TBK1: variants seen among roughly 807,000 people sequenced by gnomAD.
TBK1 encodes serine/threonine-protein kinase TBK1.
Under a neutral mutation model 99.9 loss-of-function variants are expected in TBK1, and 37 were observed. The observed-to-expected ratio is 0.37, with a 90% CI of 0.28 to 0.49. The LOEUF (loss-of-function observed/expected upper bound fraction) is 0.49. Ranked by LOEUF, TBK1 falls within the 20% of genes least tolerant of loss-of-function variation. TBK1 has a pLI of 0.98. For synonymous variants in TBK1, 258 were observed against 279.8 expected (o/e 0.92, Z 0.78); for missense variants, 644 against 872.5 (o/e 0.74, Z 3.30).
rs373047509 is a variant in TBK1 at position 64,466,777 on chromosome 12, T to TA, written c.359-123dup. 1,613 of 511,498 alleles carry TA rather than the reference T, an allele frequency of 3.2e-3. 4 individuals are homozygous for TA. Among genetic ancestry groups the TA allele is most frequent in the Non-Finnish European group, 4.1e-3 (1,360 of 329,738 alleles). The allele number at this position is 511,498 out of a possible 1,614,324, so 31.7% of individuals were successfully genotyped here. ...TTATTATCTATTCTTTGAGTAAAAT[T>TA]ACTTTGAACCAAATTATGGAAAAAT... On this transcript the variant is annotated intron_variant, in intron 4 of 20. Transcript: ENST00000331710.
At position 64,465,327 on chromosome 12, in the gene TBK1, G is replaced by A. The variant is rs187734227; in HGVS notation, c.358+864G>A. On this transcript the variant is annotated intron_variant, in intron 4 of 20. Transcript: ENST00000331710. ...TACATTGCTGGTAGGATTATAAAAT[G>A]ATACAGCCATTCTAGAAAACAGTCT... Among the ~76,000 whole-genome samples, 684 of 145,508 alleles carry A rather than the reference G, an allele frequency of 4.7e-3. 1 individual carries two copies. Among genetic ancestry groups the A allele is most frequent in the Non-Finnish European group, 7.6e-3 (504 of 66,694 alleles).
rs150489787 is a variant in TBK1 at position 64,466,738 on chromosome 12, T to TTA, written c.359-151_359-150dup. 0.15 allele frequency among the ~76,000 whole-genome samples: 22,061 copies of TTA among 151,158 alleles called. 1,916 individuals are homozygous for TTA. The highest frequency in any genetic ancestry group is 0.23 in the African/African-American group (9,577 of 41,288). On this transcript the variant is annotated intron_variant, in intron 4 of 20. Coordinates refer to ENST00000331710, the MANE Select transcript of TBK1 (RefSeq NM_013254.4). The stretch of plus-strand genomic sequence containing the variant: ...TCTTATAACTAAAACATAACATCTT[T>TTA]TATATATATATATTTATTATCTATT...
At chr12:64,494,999 C>T (rs1462357515) in intron 13 of TBK1, among the ~76,000 whole-genome samples, 1 of 152,184 alleles carries the variant, frequency 6.6e-6, no homozygotes, top group Non-Finnish European at 1.5e-5. Flanking sequence ...ACTTACTAAG[C>T]TTAAAATGAA....
chr12:64,464,373 C>A lies in TBK1; in HGVS notation c.268C>A (p.Pro90Thr). 6.2e-7 allele frequency: 1 copy of A among 1,601,380 alleles called. No homozygotes were observed. Among genetic ancestry groups the A allele is most frequent in the Non-Finnish European group, 8.5e-7 (1 of 1,174,742 alleles). ...RHKVLIMEFCPCGSLYTVLEE... is the reference protein window; with the variant it reads ...RHKVLIMEFCTCGSLYTVLEE... ...TAAAGTACTTATTATGGAATTTTGT[C>A]CATGTGGGAGTTTATACACTGTTTT... is the stretch of plus-strand genomic sequence containing the variant. Residue 90 changes from proline to threonine, a missense_variant, in exon 4 of 21, where the codon CCA becomes ACA. This residue lies in a region of TBK1 where 148 missense variants were observed against 202.1 expected (regional missense o/e 0.73). Transcript: ENST00000331710.
chr12:64,487,200 A>C (rs543491707), intron 11 of TBK1, among the ~76,000 whole-genome samples: 1 of 152,306 alleles, frequency 6.6e-6, no homozygotes, highest in South Asian at 2.1e-4. Context: ...TCTTTTGGAA[A>C]TTATGCTTGT....
At chr12:64,492,663 T>C (rs990230179) in intron 13 of TBK1, among the ~76,000 whole-genome samples, 1 of 152,038 alleles carries the variant, frequency 6.6e-6, no homozygotes, top group Non-Finnish European at 1.5e-5. Context: ...GGTAATGGAG[T>C]CTTATGACAT....
intron 15 of TBK1, chr12:64,496,030 A>G: frequency 2.5e-6 from 1 of 403,610 alleles, no homozygotes; most frequent in Non-Finnish European, 4.4e-6. Flanking sequence ...ACAGAAAGGA[A>G]TGAGATTGGC....
chr12:64,491,370 C>T (rs1407114974), intron 13 of TBK1, among the ~76,000 whole-genome samples: 1 of 152,150 alleles, frequency 6.6e-6, no homozygotes, highest in African/African-American at 2.4e-5. Flanking sequence ...CCTCTAATCC[C>T]AGCACTTTGG....
Position 64,485,861 on chromosome 12 carries a change from G to C in TBK1, c.1249-65G>C, listed in dbSNP as rs2040815556. ...AATGTGTAAGCTTGAATAATTTTGTGTAAAAGTTTTTCTTACCCTATACCA... is the reference window on the plus strand; with the variant it reads ...AATGTGTAAGCTTGAATAATTTTGTCTAAAAGTTTTTCTTACCCTATACCA... On this transcript the variant is annotated intron_variant, in intron 10 of 20. Transcript: ENST00000331710. The C allele has an allele frequency of 3.4e-6, 4 of 1,180,924 alleles. No individual in the cohort carries two copies. In the South Asian group the frequency reaches 5.4e-5, roughly 16 times the overall value. The allele number at this position is 1,180,924 out of a possible 1,614,324, so 73.2% of individuals were successfully genotyped here.
At chr12:64,493,451 A>C (rs1023376230) in intron 13 of TBK1, among the ~76,000 whole-genome samples, 6 of 151,558 alleles carry the variant, frequency 4.0e-5, no homozygotes, top group African/African-American at 1.5e-4. Flanking sequence ...ATATGGTGAA[A>C]CCGTGTCTCT....
At chr12:64,479,534 G>T (rs181608576) in intron 6 of TBK1, among the ~76,000 whole-genome samples, 112 of 152,304 alleles carry the variant, frequency 7.4e-4, no homozygotes, top group Non-Finnish European at 1.3e-3. Context: ...GTGTTTTCCA[G>T]TGTGCAAAGA....
chr12:64,483,190 G>A (rs949830986), intron 8 of TBK1, among the ~76,000 whole-genome samples: 1 of 152,106 alleles, frequency 6.6e-6, no homozygotes, highest in South Asian at 2.1e-4. Flanking sequence ...ATGCTTGACT[G>A]GATGGATACC....
intron 18 of TBK1, 114 bp downstream of exon 18, chr12:64,497,373 T>C (rs1324359167): frequency 1.3e-6 from 1 of 766,380 alleles, no homozygotes; most frequent in Non-Finnish European, 2.0e-6. Flanking sequence ...CCACCAATTT[T>C]TAATATGTAT....
At chr12:64,460,093 T>G (rs970028546) in intron 2 of TBK1, 96 bp from the exon 3 acceptor site, 7 of 797,918 alleles carry the variant, frequency 8.8e-6, no homozygotes, top group Non-Finnish European at 1.2e-5. Context: ...TGATGTTCTG[T>G]AAGAAAATAA....
At chr12:64,457,677 A>G (rs2040503966) in intron 2 of TBK1, among the ~76,000 whole-genome samples, 2 of 152,188 alleles carry the variant, frequency 1.3e-5, no homozygotes, top group Admixed American at 1.3e-4. Context: ...AGTGATAGAG[A>G]CTGGATGAGA....
At chr12:64,478,752 CTCT>C (rs1454491518) in intron 6 of TBK1, among the ~76,000 whole-genome samples, 1 of 152,128 alleles carries the variant, frequency 6.6e-6, no homozygotes, top group Non-Finnish European at 1.5e-5. Flanking sequence ...TTAATGAAAT[CTCT>C]TCATTAATAA....
chr12:64,495,679 A>C lies in TBK1; in HGVS notation c.1644-20A>C. On this transcript the variant is annotated intron_variant, in intron 14 of 20. Coordinates refer to ENST00000331710, the MANE Select transcript of TBK1 (RefSeq NM_013254.4). ...CACATTGACTCAGTTAATTTATTTGAGTTTTTCTTCCTTAAATAGTGTAGA... is the reference window on the plus strand; with the variant it reads ...CACATTGACTCAGTTAATTTATTTGCGTTTTTCTTCCTTAAATAGTGTAGA... 6.2e-7 allele frequency: 1 copy of C among 1,612,370 alleles called. No homozygotes were observed. The highest frequency in any genetic ancestry group is 1.3e-5 in the African/African-American group (1 of 74,918).
At chr12:64,490,899 G>C (rs1220185204) in intron 13 of TBK1, among the ~76,000 whole-genome samples, 4 of 118,358 alleles carry the variant, frequency 3.4e-5, no homozygotes, top group Non-Finnish European at 8.6e-5. Flanking sequence ...TCCATCCTGG[G>C]TGACAAGAGT....
chr12:64,460,439 C>T, intron 3 of TBK1, 110 bp downstream of exon 3: 4 of 724,518 alleles, frequency 5.5e-6, no homozygotes, highest in Non-Finnish European at 6.4e-6. Context: ...AGGGTTTGTA[C>T]AACCAAATAC....
Sources: gnomAD v4.1 joint callset for allele counts (sites outside exome capture counted in the v4.1 genomes callset) on GRCh38, gnomAD v4.1.1 for gene constraint, gnomAD v4.1.1 regional missense constraint, MANE v1.5 for transcripts, NCBI Gene and HGNC (gene_info 2026-07-23, HGNC 2026-07-21) for gene names.